The following SCAMP3 variants were observed in gnomAD, a reference collection of about 807,000 sequenced individuals.
SCAMP3 encodes secretory carrier membrane protein 3.
SCAMP3 carries 30 observed loss-of-function variants against 44.1 expected under a neutral mutation model. That is an observed-to-expected ratio of 0.68 (90% CI 0.51 to 0.92). SCAMP3 has a LOEUF of 0.92. Among genes scored for constraint, SCAMP3 ranks in the 40% least tolerant of loss-of-function variants. The probability of loss-of-function intolerance (pLI) is 0.00; values close to 1 mark genes in which losing one functional copy is unlikely to be tolerated. For synonymous variants in SCAMP3, 168 were observed against 171.1 expected, an observed-to-expected ratio of 0.98 and a Z score of 0.14; for missense variants, 394 against 440.0, an observed-to-expected ratio of 0.90 and a Z score of 0.93.
rs1374081733 is a variant in SCAMP3 at position 155,258,905 on chromosome 1, G to A, written c.438C>T (p.Pro146=). Residue 146 remains proline, a synonymous_variant, in exon 5 of 9, where the codon CCC becomes CCT. Coordinates refer to ENST00000302631, the MANE Select transcript of SCAMP3 (RefSeq NM_005698.4). ...CCATGGAGATGTCCTGGAAAAAGCAGGGCTGAACTGGACAAAAAGAAGGTA... is the reference window on the plus strand; with the variant it reads ...CCATGGAGATGTCCTGGAAAAAGCAAGGCTGAACTGGACAAAAAGAAGGTA... ...PPLPSFCPVQ[P]CFFQDISMEI... 1 of 1,613,384 alleles carries A rather than the reference G, an allele frequency of 6.2e-7. No homozygotes were observed. The highest frequency in any genetic ancestry group is 8.5e-7 in the Non-Finnish European group (1 of 1,179,736).
chr1:155,256,234 C>G lies in SCAMP3; in HGVS notation c.*39G>C, dbSNP rs989802609. ...ACCTTAGGGACGGGAGCTAAGTCAG[C>G]TCCCTCAAGTAGCAGGGCCAGGGCA... On this transcript the variant is annotated 3_prime_UTR_variant, in exon 9 of 9. Transcript: ENST00000302631. 4.6e-6 allele frequency: 7 copies of G among 1,518,402 alleles called. No individual in the cohort carries two copies. The highest frequency in any genetic ancestry group is 6.2e-6 in the Non-Finnish European group (7 of 1,131,480). The allele number at this position is 1,518,402 out of a possible 1,614,324, so 94.1% of individuals were successfully genotyped here.
chr1:155,258,723 T>A (rs1180976323), intron 5 of SCAMP3, 103 bp downstream of exon 5: 1 of 1,043,514 alleles, frequency 9.6e-7, no homozygotes, highest in Admixed American at 2.6e-5. Flanking sequence ...AGCAGGCTGG[T>A]GAGTTCTAAA....
At chr1:155,261,929 C>T in intron 1 of SCAMP3, 157 bp downstream of exon 1, 1 of 822,194 alleles carries the variant, frequency 1.2e-6, no homozygotes, top group South Asian at 1.6e-5. Flanking sequence ...GCAGGGCCCG[C>T]CCCCCAGAGT....
At chr1:155,257,449 TG>T (rs1672835384) in intron 6 of SCAMP3, 48 bp downstream of exon 6, 2 of 1,609,112 alleles carry the variant, frequency 1.2e-6, no homozygotes, top group East Asian at 4.5e-5. Flanking sequence ...TGGGCAGACG[TG>T]GGGCCCATCC....
rs1465383696 is a variant in SCAMP3, at chr1:155,256,244, T to C, written c.*29A>G. On this transcript the variant is annotated 3_prime_UTR_variant, in exon 9 of 9. Transcript: ENST00000302631. ...CGGGAGCTAAGTCAGCTCCCTCAAGTAGCAGGGCCAGGGCATCCCAGTCAG... is the reference window on the plus strand; with the variant it reads ...CGGGAGCTAAGTCAGCTCCCTCAAGCAGCAGGGCCAGGGCATCCCAGTCAG... The C allele has an allele frequency of 5.2e-6, 8 of 1,525,944 alleles. No individual in the cohort carries two copies. The Admixed American group carries it at 6.6e-5, about 13-fold the overall frequency. The allele number at this position is 1,525,944 out of a possible 1,614,324, so 94.5% of individuals were successfully genotyped here. A position where few individuals can be genotyped will look rare whatever the true frequency, so the allele number is the denominator to read the frequency against.
Position 155,260,606 on chromosome 1 carries a change from A to T in SCAMP3, c.198T>A (p.Ala66=). 1 of 1,613,946 alleles carries T rather than the reference A, an allele frequency of 6.2e-7. No individual in the cohort carries two copies. Among genetic ancestry groups the T allele is most frequent in the Non-Finnish European group, 8.5e-7 (1 of 1,179,974 alleles). ...GCTTTCTCGAGGGCTGCAAGGAGGG[A>T]GCTGAGGGTGGAGGCAATGGGGCAG... ...PAPAPLPPPS[A]PSLQPSRKLS... The change falls in exon 3 of 9, where the codon GCT becomes GCA. Residue 66 remains alanine, a synonymous_variant. Transcript: ENST00000302631.
intron 5 of SCAMP3, among the ~76,000 whole-genome samples, chr1:155,258,496 C>T (rs957601497): frequency 1.3e-5 from 2 of 151,834 alleles, no homozygotes; most frequent in African/African-American, 2.4e-5. Context: ...GCCACCACGC[C>T]CAGGTAATTT....
intron 2 of SCAMP3, chr1:155,261,224 C>CTT: frequency 1.2e-5 from 2 of 172,604 alleles, no homozygotes; most frequent in Non-Finnish European, 2.5e-5. Context: ...CCATGCTTGG[C>CTT]TTTTTTTTTT....
intron 2 of SCAMP3, 67 bp downstream of exon 2, chr1:155,261,590 C>A: frequency 7.1e-7 from 1 of 1,414,300 alleles, no homozygotes; most frequent in South Asian, 1.1e-5. Context: ...TCCCCTGTAC[C>A]CAAGCTAACT....
intron 5 of SCAMP3, 84 bp from the exon 6 acceptor site, chr1:155,257,741 A>G (rs913594254): frequency 3.8e-6 from 5 of 1,312,416 alleles, no homozygotes; most frequent in African/African-American, 1.5e-5. Flanking sequence ...TATAATATTC[A>G]CCAAACATGG....
chr1:155,261,709 G>A lies in SCAMP3; in HGVS notation c.92C>T (p.Pro31Leu), dbSNP rs765132682. Residue 31 changes from proline (P) to leucine (L), a missense_variant, in exon 2 of 9, where the codon CCC becomes CTC. Transcript: ENST00000302631. ...FQDPAVIQHR[P>L]SRQYATLDVY... The stretch of plus-strand genomic sequence containing the variant: ...GTCAAGCGTGGCATACTGCCGGCTG[G>A]GTCGGTGCTGGATCACAGCTGGGTC... The A allele has an allele frequency of 1.6e-5, 26 of 1,614,070 alleles. No homozygotes were observed. Among genetic ancestry groups the A allele is most frequent in the Non-Finnish European group, 2.1e-5 (25 of 1,180,028 alleles).
chr1:155,256,886 A>G, intron 7 of SCAMP3, 95 bp from the exon 8 acceptor site: 1 of 902,588 alleles, frequency 1.1e-6, no homozygotes, highest in Non-Finnish European at 1.8e-6. Flanking sequence ...TCCCATCAGC[A>G]GTGGCTCCCT....
chr1:155,260,707 G>T lies in SCAMP3; in HGVS notation c.145-48C>A, dbSNP rs775094850. On this transcript the variant is annotated intron_variant, in intron 2 of 8. Transcript: ENST00000302631. ...GATCATCTAGTCCCTCATAACACAG[G>T]AATCTAGAGTCTGCTTGAATACCTT... 13 of 1,513,034 alleles carry T rather than the reference G, an allele frequency of 8.6e-6. No individual in the cohort carries two copies. In the South Asian group the frequency reaches 1.6e-4, roughly 19 times the overall value. 93.7% of individuals were successfully genotyped at this position (1,513,034 alleles called of 1,614,324 possible).
intron 2 of SCAMP3, chr1:155,261,250 T>C (rs565437056): frequency 5.4e-6 from 1 of 186,294 alleles, no homozygotes; most frequent in Non-Finnish European, 1.1e-5. Context: ...TTAAGTACCA[T>C]GAAAACCCCT....
Position 155,262,331 on chromosome 1 carries a change from T to A in SCAMP3, c.-180A>T, listed in dbSNP as rs1572007974. On this transcript the variant is annotated 5_prime_UTR_variant, in exon 1 of 9. Coordinates refer to ENST00000302631, the MANE Select transcript of SCAMP3 (RefSeq NM_005698.4). ...CCCCGCAGCAGCCGTGGGTTGCGCC[T>A]GCGTCTTGTCCAAAAGCTAAGACGA... is the stretch of plus-strand genomic sequence containing the variant. 3.3e-6 allele frequency: 2 copies of A among 605,340 alleles called. No homozygotes were observed. The allele number at this position is 605,340 out of a possible 1,614,324, so 37.5% of individuals were successfully genotyped here.
Position 155,262,224 on chromosome 1 carries a change from TCA to T in SCAMP3, c.-75_-74del, listed in dbSNP as rs575667038. The stretch of plus-strand genomic sequence containing the variant: ...GCAGCAGTGGCGGTAGCGGTAGCCC[TCA>T]GAGTCCACTTCACTCGCCTCAGTTC... On this transcript the variant is annotated 5_prime_UTR_variant, in exon 1 of 9. Coordinates refer to ENST00000302631, the MANE Select transcript of SCAMP3 (RefSeq NM_005698.4). The T allele has an allele frequency of 1.3e-3, 1,820 of 1,412,840 alleles. 19 individuals are homozygous for T. The African/African-American group carries it at 0.023, about 18-fold the overall frequency. The allele number at this position is 1,412,840 out of a possible 1,614,324, so 87.5% of individuals were successfully genotyped here. A position where few individuals can be genotyped will look rare whatever the true frequency, so the allele number is the denominator to read the frequency against.
At chr1:155,262,049 C>A (rs1018498141) in intron 1 of SCAMP3, 37 bp downstream of exon 1, 1 of 1,602,690 alleles carries the variant, frequency 6.2e-7, no homozygotes, top group Admixed American at 1.7e-5. Context: ...GAAGAATCAA[C>A]CTGACCGCCC....
chr1:155,256,159 G>T lies in SCAMP3; in HGVS notation c.*114C>A. On this transcript the variant is annotated 3_prime_UTR_variant, in exon 9 of 9. Coordinates refer to ENST00000302631, the MANE Select transcript of SCAMP3 (RefSeq NM_005698.4). ...TCAGCAGTCATGGCCATAGGATTGG[G>T]AGCACTACGGAGGAGCCATCAGTTA... 9.2e-7 allele frequency: 1 copy of T among 1,085,110 alleles called. No homozygotes were observed. Among genetic ancestry groups the T allele is most frequent in the Non-Finnish European group, 1.3e-6 (1 of 756,804 alleles). 67.2% of individuals were successfully genotyped at this position (1,085,110 alleles called of 1,614,324 possible).
intron 2 of SCAMP3, among the ~76,000 whole-genome samples, chr1:155,260,913 TG>T (rs1327813189): frequency 3.1e-5 from 4 of 128,810 alleles, no homozygotes; most frequent in Admixed American, 3.0e-4. Flanking sequence ...CACTTAACTG[TG>T]TTTTTTTTTT....
Sources: gnomAD v4.1 joint callset for allele counts (sites outside exome capture counted in the v4.1 genomes callset) on GRCh38, gnomAD v4.1.1 for gene constraint, MANE v1.5 for transcripts, NCBI Gene and HGNC (gene_info 2026-07-23, HGNC 2026-07-21) for gene names.